BRCA1: variants seen among roughly 807,000 people sequenced by gnomAD.
BRCA1 encodes the protein BRCA1 DNA repair associated.
In BRCA1, 140 loss-of-function variants were observed where a neutral mutation model predicts 173.7. The observed-to-expected ratio is 0.81, with a 90% confidence interval of 0.70 to 0.93. BRCA1 has a LOEUF of 0.93. Ranked by LOEUF, BRCA1 falls within the 40% of genes least tolerant of loss-of-function variation. BRCA1 has a pLI of 0.00. For synonymous variants in BRCA1, 662 were observed against 756.0 expected (o/e 0.88, Z 2.04); for missense variants, 1,983 against 2,172.5 (o/e 0.91, Z 1.73).
At chr17:43,128,393 G>A (rs984639823), upstream of BRCA1, among the ~76,000 whole-genome samples, 3 of 143,452 alleles carry the variant, frequency 2.1e-5, no homozygotes, top group Non-Finnish European at 3.1e-5. Flanking sequence ...CTCTGAACAC[G>A]TCCGAACATC....
At chr17:43,164,662 T>G (rs2056256160) in intron 1 of BRCA1, 1 of 152,098 alleles carries the variant, frequency 6.6e-6, no homozygotes, top group Non-Finnish European at 1.5e-5. Context: ...TTGATTCTGG[T>G]GTGACGAGTC....
rs548079593 is a variant in BRCA1 at position 43,057,864 on chromosome 17, C to A, written c.5194-729G>T. Among the ~76,000 whole-genome samples the A allele has an allele frequency of 6.8e-5, 10 of 147,502 alleles. No individual in the cohort carries two copies. The East Asian group carries it at 8.1e-4, about 12-fold the overall frequency. On this transcript the variant is annotated intron_variant, in intron 18 of 22. Transcript: ENST00000357654. Reference sequence around the variant, plus strand: ...ACAAACAAACAAACAAACAAAAAAACCAAAAATTAGCTGGGCGTGGTGGCA... The same window carrying A: ...ACAAACAAACAAACAAACAAAAAAAACAAAAATTAGCTGGGCGTGGTGGCA...
At chr17:43,160,688 A>G (rs2056230598) in intron 1 of BRCA1, 1 of 152,136 alleles carries the variant, frequency 6.6e-6, no homozygotes, top group Non-Finnish European at 1.5e-5. Context: ...GAAATTGGGC[A>G]TAAGACAATA....
chr17:43,120,621 C>T (rs1440287000), intron 2 of BRCA1, among the ~76,000 whole-genome samples: 5 of 151,854 alleles, frequency 3.3e-5, no homozygotes, highest in African/African-American at 4.8e-5. Flanking sequence ...AAAAATTAGC[C>T]GGGCGTGGTG....
chr17:43,158,160 CATA>C (rs1264906571), intron 1 of BRCA1, among the ~76,000 whole-genome samples: 3 of 151,860 alleles, frequency 2.0e-5, no homozygotes, highest in Non-Finnish European at 4.4e-5. Flanking sequence ...TTTAATTTGC[CATA>C]ATGAGAAAGA....
intron 1 of BRCA1, among the ~76,000 whole-genome samples, chr17:43,169,723 T>C (rs746293521): frequency 2.7e-5 from 4 of 148,834 alleles, no homozygotes; most frequent in Non-Finnish European, 5.9e-5. Context: ...GGAGCATCCC[T>C]TGGGCCCCTG....
At chr17:43,115,873 G>T in intron 2 of BRCA1, 94 bp from the exon 3 acceptor site, 1 of 1,337,824 alleles carries the variant, frequency 7.5e-7, no homozygotes, top group Non-Finnish European at 1.0e-6. Flanking sequence ...TCAACTTTGA[G>T]CTGTTATGAC....
intron 2 of BRCA1, among the ~76,000 whole-genome samples, chr17:43,116,967 C>T (rs1165246047): frequency 6.6e-6 from 1 of 152,276 alleles, no homozygotes; most frequent in Non-Finnish European, 1.5e-5. Flanking sequence ...GTTCCTCTAG[C>T]CTTATTTCCT....
chr17:43,154,468 A>C (rs1484926046), intron 1 of BRCA1, among the ~76,000 whole-genome samples: 1 of 152,022 alleles, frequency 6.6e-6, no homozygotes, highest in Non-Finnish European at 1.5e-5. Flanking sequence ...TGGGTGACAG[A>C]GCTAGACTCC....
chr17:43,144,866 A>G, intron 1 of BRCA1: 1 of 517,266 alleles, frequency 1.9e-6, no homozygotes. Flanking sequence ...TGGCGGGAGG[A>G]GTGGCAGCGG....
At position 43,092,067 on chromosome 17, in the gene BRCA1, T is replaced by C; in HGVS notation, c.3464A>G (p.Asp1155Gly). 1 of 1,614,058 alleles carries C rather than the reference T, an allele frequency of 6.2e-7. No individual in the cohort carries two copies. Among genetic ancestry groups the C allele is most frequent in the South Asian group, 1.1e-5 (1 of 91,086 alleles). ...VCSETPDDLL[D>G]DGEIKEDTSF... ...AGTATCTTCCTTTATTTCACCATCA[T>C]CTAACAGGTCATCAGGTGTCTCAGA... The change falls in exon 10 of 23, where the codon GAT becomes GGT. Residue 1155 changes from aspartate (D) to glycine (G), a missense_variant. Physicochemically the swap from Asp to Gly is moderately conservative, Grantham distance 94. Transcript: ENST00000357654.
chr17:43,139,065 G>A, intron 1 of BRCA1: 1 of 678,682 alleles, frequency 1.5e-6, no homozygotes, highest in Admixed American at 2.3e-5. Context: ...TTCCTATCTG[G>A]GGTAGTGTAA....
chr17:43,078,203 C>A (rs1172425451), intron 12 of BRCA1, among the ~76,000 whole-genome samples: 5 of 152,094 alleles, frequency 3.3e-5, no homozygotes, highest in Admixed American at 3.3e-4. Context: ...CCTGCCTTAG[C>A]CTCCCAAGAA....
chr17:43,112,347 A>G lies in BRCA1; in HGVS notation c.134+3379T>C, dbSNP rs8176114. The stretch of plus-strand genomic sequence containing the variant: ...GTGATCCGCCCACCTCAGCCTCCCA[A>G]AGTGCTGGGATTACAGGCGTGAGCC... On this transcript the variant is annotated intron_variant, in intron 3 of 22. Coordinates refer to ENST00000357654, the MANE Select transcript of BRCA1 (RefSeq NM_007294.4). 0.3 allele frequency: 45,563 copies of G among 152,088 alleles called. 7,380 individuals carry two copies. Among genetic ancestry groups the G allele is most frequent in the South Asian group, 0.49 (2,377 of 4,828 alleles). The allele number at this position is 152,088 out of a possible 1,614,324, so 9.4% of individuals were successfully genotyped here. A position where few individuals can be genotyped will look rare whatever the true frequency, so the allele number is the denominator to read the frequency against.
At chr17:43,155,265 G>A (rs991140158) in intron 1 of BRCA1, among the ~76,000 whole-genome samples, 3 of 151,916 alleles carry the variant, frequency 2.0e-5, no homozygotes, top group African/African-American at 7.3e-5. Context: ...TGCCTCCTGG[G>A]TTCAAGTGAT....
intron 3 of BRCA1, among the ~76,000 whole-genome samples, chr17:43,112,128 C>T (rs982046311): frequency 6.6e-6 from 1 of 151,210 alleles, no homozygotes; most frequent in Non-Finnish European, 1.5e-5. Flanking sequence ...CTTGCTCTGT[C>T]GCCCAGGCTA....
chr17:43,081,634 T>C (rs569319683), intron 12 of BRCA1, among the ~76,000 whole-genome samples: 6 of 152,032 alleles, frequency 3.9e-5, no homozygotes, highest in African/African-American at 7.2e-5. Context: ...CCTATGTGTC[T>C]GTTTGTTTGC....
At chr17:43,053,378 T>C (rs2051329458) in intron 19 of BRCA1, among the ~76,000 whole-genome samples, 1 of 152,166 alleles carries the variant, frequency 6.6e-6, no homozygotes, top group South Asian at 2.1e-4. Context: ...ATTTGAAGTT[T>C]CGGGCTTGGC....
chr17:43,151,226 T>A (rs1311064832), intron 1 of BRCA1, among the ~76,000 whole-genome samples: 1 of 152,220 alleles, frequency 6.6e-6, no homozygotes, highest in Non-Finnish European at 1.5e-5. Context: ...TATTTAGTGC[T>A]TTTTGTATCT....
Sources: allele counts gnomAD v4.1 joint callset (sites outside exome capture counted in the v4.1 genomes callset), GRCh38; gene constraint gnomAD v4.1.1; transcripts MANE v1.5; gene names NCBI Gene and HGNC (gene_info 2026-07-23, HGNC 2026-07-21).